LCN6: variants seen among roughly 807,000 people sequenced by gnomAD.
LCN6 encodes the protein epididymal-specific lipocalin-6.
Under a neutral mutation model 21.4 loss-of-function variants are expected in LCN6, and 20 were observed. The observed-to-expected ratio is 0.93, with a 90% CI of 0.66 to 1.36. The LOEUF (loss-of-function observed/expected upper bound fraction) is 1.36, where lower values mean the gene tolerates loss of function less well. LCN6 is among the 40% of genes most tolerant of loss of function. LCN6 has a pLI of 0.00. For missense variants in LCN6, 217 were observed against 206.6 expected (o/e 1.05, Z -0.31); for synonymous variants, 96 against 89.0 (o/e 1.08, Z -0.44).
chr9:136,747,221 G>A (rs941764863), intron 2 of LCN6, among the ~76,000 whole-genome samples: 1 of 152,188 alleles, frequency 6.6e-6, no homozygotes, highest in Non-Finnish European at 1.5e-5. Context: ...AGTGCCACCT[G>A]GAGGCCCCAG....
In LCN6 at chr9:136,747,421, C is replaced by A; in HGVS notation, c.230+3G>T. The A allele has an allele frequency of 6.2e-7, 1 of 1,612,476 alleles. No homozygotes were observed. The highest frequency in any genetic ancestry group is 1.1e-5 in the South Asian group (1 of 91,068). On this transcript the variant is annotated splice_donor_region_variant and intron_variant, in intron 2 of 6. Coordinates refer to ENST00000341206, the MANE Select transcript of LCN6 (RefSeq NM_198946.3). Reference sequence around the variant, plus strand: ...GAAGGCCTGGCAGGACCCGCCCACTCACCCGTGCTGAGAGGACAGCGTCCG... The same window carrying A: ...GAAGGCCTGGCAGGACCCGCCCACTAACCCGTGCTGAGAGGACAGCGTCCG...
chr9:136,745,358 C>G (rs964032598), intron 3 of LCN6, 78 bp from the exon 4 acceptor site: 6 of 1,010,588 alleles, frequency 5.9e-6, no homozygotes, highest in Non-Finnish European at 9.3e-6. Context: ...ATGCTGGCCA[C>G]AGGGACAGAG....
chr9:136,746,244 T>C (rs1847035210), intron 2 of LCN6, among the ~76,000 whole-genome samples: 1 of 111,384 alleles, frequency 9.0e-6, no homozygotes, highest in African/African-American at 3.4e-5. Context: ...GGGTGGGGGT[T>C]CGCCCGTGAC....
In LCN6 at chr9:136,747,511, G is replaced by A. The variant is rs1588302448; in HGVS notation, c.143C>T (p.Ala48Val). ...GACGTTCTTCATGTCCTTCTCCATGGCAAAGCCCTTTTCCCGGGAGGCCAC... is the reference window on the plus strand; with the variant it reads ...GACGTTCTTCATGTCCTTCTCCATGACAAAGCCCTTTTCCCGGGAGGCCAC... Reference protein sequence around the residue: ...LAVASREKGFAMEKDMKNVVG... With the variant: ...LAVASREKGFVMEKDMKNVVG... The change falls in exon 2 of 7, where the codon GCC (alanine) becomes GTC (valine). Residue 48 changes from alanine (A) to valine (V), a missense_variant. Ala to Val is a moderately conservative substitution (Grantham distance 64). Transcript: ENST00000341206. 6.2e-7 allele frequency: 1 copy of A among 1,613,452 alleles called. No homozygotes were observed. Among genetic ancestry groups the A allele is most frequent in the Non-Finnish European group, 8.5e-7 (1 of 1,179,872 alleles).
intron 2 of LCN6, chr9:136,747,059 A>G (rs1486357685): frequency 4.9e-6 from 1 of 203,834 alleles, no homozygotes; most frequent in Non-Finnish European, 9.8e-6. Flanking sequence ...GTCCGAATGC[A>G]TTATCCTCCT....
rs770081381 is a variant in LCN6, at chr9:136,748,438, G to C, written c.46C>G (p.Pro16Ala). ...LAAFLALVSV[P>A]RAQAVWLGRL... is the part of the protein sequence containing the mutation. ...CCCAACCACACGGCCTGGGCCCTGG[G>C]CACCGAGACCAAAGCCAGAAAAGCA... Residue 16 changes from proline (P) to alanine (A), a missense_variant, in exon 1 of 7, where the codon CCC (proline) becomes GCC (alanine). Coordinates refer to ENST00000341206, the MANE Select transcript of LCN6 (RefSeq NM_198946.3). The C allele has an allele frequency of 6.2e-7, 1 of 1,613,178 alleles. No individual in the cohort carries two copies.
chr9:136,745,244 T>G lies in LCN6; in HGVS notation c.338A>C (p.Asn113Thr). The G allele has an allele frequency of 6.2e-7, 1 of 1,613,680 alleles. No homozygotes were observed. The highest frequency in any genetic ancestry group is 1.1e-5 in the South Asian group (1 of 91,082). ...GAAGATGATGGCATAGTCTCTGAAG[T>G]TGGTGGCCAGCACCCAGAGCTCCAG... Reference protein sequence around the residue: ...GVLELWVLATNFRDYAIIFTQ... With the variant: ...GVLELWVLATTFRDYAIIFTQ... The change falls in exon 4 of 7, where the codon AAC becomes ACC. Residue 113 changes from asparagine (N) to threonine (T), a missense_variant. Physicochemically the swap from Asn to Thr is moderately conservative, Grantham distance 65 (BLOSUM62 0). Transcript: ENST00000341206.
At chr9:136,747,083 C>T in intron 2 of LCN6, 1 of 249,538 alleles carries the variant, frequency 4.0e-6, no homozygotes, top group East Asian at 8.6e-5. Context: ...AACAGAATTC[C>T]CGAAAAAGGC....
At chr9:136,745,493 C>T (rs1362924581) in intron 3 of LCN6, 9 of 578,488 alleles carry the variant, frequency 1.6e-5, no homozygotes, top group East Asian at 5.9e-5. Context: ...CAGACACTGA[C>T]GGACAGACAG....
At chr9:136,748,347 G>T in intron 1 of LCN6, 47 bp downstream of exon 1, 1 of 1,515,360 alleles carries the variant, frequency 6.6e-7, no homozygotes, top group Non-Finnish European at 9.0e-7. Flanking sequence ...TTAAAGGAGG[G>T]GCTGGCCCCC....
chr9:136,747,092 G>A (rs1395258085), intron 2 of LCN6: 1 of 274,074 alleles, frequency 3.6e-6, no homozygotes, highest in Non-Finnish European at 6.9e-6. Flanking sequence ...CCCGAAAAAG[G>A]CCTGCTGAGA....
rs570083388 is a variant in LCN6, at chr9:136,744,762, C to A, written c.413-21G>T. On this transcript the variant is annotated intron_variant, in intron 4 of 6. Transcript: ENST00000341206. The surrounding 1 kb of genome is among the most constrained non-coding windows in gnomAD (Gnocchi z 4.2). Reference sequence around the variant, plus strand: ...CAGACCTGGGGGCACCAGGGCAGTGCAGGGGGAAGCAACCTCTGAGAGCTG... The same window carrying A: ...CAGACCTGGGGGCACCAGGGCAGTGAAGGGGGAAGCAACCTCTGAGAGCTG... 5 of 1,576,378 alleles carry A rather than the reference C, an allele frequency of 3.2e-6. No homozygotes were observed. In the Admixed American group the frequency reaches 5.1e-5, roughly 16 times the overall value.
chr9:136,745,198 G>T lies in LCN6; in HGVS notation c.384C>A (p.Asp128Glu), dbSNP rs141136161. The change falls in exon 4 of 7, where the codon GAC becomes GAA. Residue 128 changes from aspartate to glutamate, a missense_variant. By Grantham distance (45) the Asp-to-Glu change is conservative. Coordinates refer to ENST00000341206, the MANE Select transcript of LCN6 (RefSeq NM_198946.3). The stretch of plus-strand genomic sequence containing the variant: ...ACAGCTCCACGGTGTTGAAGGGCTC[G>T]TCCCCGAACTCCAGCTGAGTGAAGA... ...AIIFTQLEFG[D>E]EPFNTVELYS... 454 of 1,613,200 alleles carry T rather than the reference G, an allele frequency of 2.8e-4. 2 individuals are homozygous for T. The African/African-American group carries it at 3.6e-3, about 13-fold the overall frequency.
intron 2 of LCN6, among the ~76,000 whole-genome samples, chr9:136,746,655 C>A (rs1018660492): frequency 6.6e-6 from 1 of 152,090 alleles, no homozygotes; most frequent in Admixed American, 6.5e-5. Context: ...CCATACCCTG[C>A]AGGCGCAGGT....
In LCN6 at chr9:136,745,304, C is replaced by T. The variant is rs1362460706; in HGVS notation, c.302-24G>A. 1.5e-5 allele frequency: 22 copies of T among 1,503,910 alleles called. No individual in the cohort carries two copies. The East Asian group carries it at 4.5e-4, about 31-fold the overall frequency. 93.2% of individuals were successfully genotyped at this position (1,503,910 alleles called of 1,614,324 possible). Reference sequence around the variant, plus strand: ...TGCTAGGAAACAAAACCCCCCGCCTCAGGGGAGGGCAGCTGCTGTATCCAT... The same window carrying T: ...TGCTAGGAAACAAAACCCCCCGCCTTAGGGGAGGGCAGCTGCTGTATCCAT... On this transcript the variant is annotated intron_variant, in intron 3 of 6. Coordinates refer to ENST00000341206, the MANE Select transcript of LCN6 (RefSeq NM_198946.3).
Position 136,745,963 on chromosome 9 carries a change from C to T in LCN6, c.231-49G>A, listed in dbSNP as rs540134872. ...CCACTCAGGGTCAAGACCCCGGGGC[C>T]CGGTGAGAGGAGACGGAGCTCAGGA... On this transcript the variant is annotated intron_variant, in intron 2 of 6. Transcript: ENST00000341206. 3.2e-5 allele frequency: 49 copies of T among 1,552,146 alleles called. 1 individual carries two copies. In the South Asian group the frequency reaches 5.1e-4, roughly 16 times the overall value.
intron 2 of LCN6, 33 bp from the exon 3 acceptor site, chr9:136,745,947 G>A: frequency 6.2e-7 from 1 of 1,603,434 alleles, no homozygotes. Flanking sequence ...CCCACTCAGG[G>A]TCAAGACCCC....
intron 1 of LCN6, among the ~76,000 whole-genome samples, chr9:136,747,925 C>T (rs1196884989): frequency 7.8e-6 from 1 of 128,018 alleles, no homozygotes; most frequent in East Asian, 2.3e-4. Flanking sequence ...GCCCTACAGC[C>T]TCTAGGCTCC....
chr9:136,748,332 T>C (rs1160586496), intron 1 of LCN6, 62 bp downstream of exon 1: 1 of 1,427,374 alleles, frequency 7.0e-7, no homozygotes, highest in Non-Finnish European at 9.7e-7. Context: ...AGAAGCTGTG[T>C]GGCCTTAAAG....
Sources: gnomAD v4.1 joint callset for allele counts (sites outside exome capture counted in the v4.1 genomes callset) on GRCh38, gnomAD v4.1.1 for gene constraint, Gnocchi (gnomAD v3.1) non-coding constraint, MANE v1.5 for transcripts, NCBI Gene and HGNC (gene_info 2026-07-23, HGNC 2026-07-21) for gene names.